Variants in ABCA9 observed in about 807,000 individuals in gnomAD.
ABCA9 encodes ATP binding cassette subfamily A member 9.
Under a neutral mutation model 205.3 loss-of-function variants are expected in ABCA9, and 183 were observed. The observed-to-expected ratio is 0.89, with a 90% CI of 0.79 to 1.01. ABCA9 has a LOEUF of 1.01. Ranked by LOEUF, ABCA9 falls within the 50% of genes least tolerant of loss-of-function variation. The pLI is 0.00. For missense variants in ABCA9, 1,805 were observed against 1,912.4 expected, an observed-to-expected ratio of 0.94 and a Z score of 1.05; for synonymous variants, 651 against 683.3, an observed-to-expected ratio of 0.95 and a Z score of 0.74.
rs1342934421 is a variant in ABCA9, at chr17:69,024,277, T to C, written c.2218A>G (p.Thr740Ala). The change falls in exon 17 of 39, where the codon ACA (threonine) becomes GCA (alanine). Residue 740 changes from threonine to alanine, a missense_variant. By Grantham distance (58) the Thr-to-Ala change is moderately conservative (BLOSUM62 0). Transcript: ENST00000340001. The stretch of plus-strand genomic sequence containing the variant: ...ACAAGTTTTTCTTCACTTTGTGCTG[T>C]CAATTTGGCATCAGAGATGTGCTGC... The part of the protein sequence containing the change: ...VKQHISDAKL[T>A]AQSEEKLVYI... 1.2e-6 allele frequency: 2 copies of C among 1,613,362 alleles called. No homozygotes were observed. Among genetic ancestry groups the C allele is most frequent in the East Asian group, 2.2e-5 (1 of 44,808 alleles).
In ABCA9 at chr17:69,006,913, G is replaced by A. The variant is rs149931023; in HGVS notation, c.3435+846C>T. 3.9e-5 allele frequency among the ~76,000 whole-genome samples: 6 copies of A among 152,258 alleles called. No homozygotes were observed. The East Asian group carries it at 5.8e-4, about 15-fold the overall frequency. ...GAGAGACCAGTTACAGATATGTTGCGCTACTCTAGGTGACAGAGTATGAAA... is the reference window on the plus strand; with the variant it reads ...GAGAGACCAGTTACAGATATGTTGCACTACTCTAGGTGACAGAGTATGAAA... On this transcript the variant is annotated intron_variant, in intron 25 of 38. Coordinates refer to ENST00000340001, the MANE Select transcript of ABCA9 (RefSeq NM_080283.4).
the ABCA9 span, among the ~76,000 whole-genome samples, chr17:69,073,876 G>A: frequency 6.6e-6 from 1 of 151,108 alleles, no homozygotes; most frequent in East Asian, 1.9e-4. Context: ...TTTTTTTTTT[G>A]TAGTTTGTAG....
At position 69,020,675 on chromosome 17, in the gene ABCA9, C is replaced by T. The variant is rs760158738; in HGVS notation, c.2402-89G>A. The stretch of plus-strand genomic sequence containing the variant: ...ATGATAAATTTTCCTACAAAGGTGT[C>T]AAAGTTACCCTCTTGGGCCAAGATA... On this transcript the variant is annotated intron_variant, in intron 18 of 38. Transcript: ENST00000340001. The T allele has an allele frequency of 3.9e-5, 46 of 1,184,794 alleles. No homozygotes were observed. The South Asian group carries it at 5.8e-4, about 15-fold the overall frequency. 73.4% of individuals were successfully genotyped at this position (1,184,794 alleles called of 1,614,324 possible). A position where few individuals can be genotyped will look rare whatever the true frequency, so the allele number is the denominator to read the frequency against.
chr17:69,052,723 G>A (rs894024092), intron 1 of ABCA9, among the ~76,000 whole-genome samples: 2 of 152,118 alleles, frequency 1.3e-5, no homozygotes, highest in Admixed American at 1.3e-4. Flanking sequence ...TGGAGTTACA[G>A]CAGATCCCAC....
Position 69,027,799 on chromosome 17 carries a change from A to G in ABCA9, c.1632T>C (p.Tyr544=). 6.2e-7 allele frequency: 1 copy of G among 1,608,936 alleles called. No homozygotes were observed. The highest frequency in any genetic ancestry group is 1.3e-5 in the African/African-American group (1 of 74,804). Residue 544 remains tyrosine, a synonymous_variant, in exon 13 of 39, where the codon TAT becomes TAC. Transcript: ENST00000340001. The part of the protein sequence containing the change: ...SVPTSGSVTV[Y]NHTLSRMADI... ...CAGCCATTCTTGAAAGTGTGTGATT[A>G]TAGACAGTGACTGAACCTGAAAGCA... is the stretch of plus-strand genomic sequence containing the variant.
At chr17:69,062,956 A>T (rs1233277745), upstream of ABCA9, among the ~76,000 whole-genome samples, 2 of 152,224 alleles carry the variant, frequency 1.3e-5, no homozygotes, top group African/African-American at 4.8e-5. Flanking sequence ...TGTGTCTAAG[A>T]CATACTTAAA....
At chr17:69,038,625 A>G (rs1221220455) in intron 6 of ABCA9, among the ~76,000 whole-genome samples, 8 of 152,222 alleles carry the variant, frequency 5.3e-5, no homozygotes, top group Admixed American at 5.2e-4. Flanking sequence ...TGAATGGGCA[A>G]AAGCAGAAAC....
intron 32 of ABCA9, 110 bp from the exon 33 acceptor site, chr17:68,985,238 G>T: frequency 7.0e-7 from 1 of 1,424,224 alleles, no homozygotes; most frequent in Non-Finnish European, 9.8e-7. Flanking sequence ...TGAGTGGTCA[G>T]AGTGGTCATA....
At chr17:68,981,754 G>A (rs1309421777) in intron 37 of ABCA9, among the ~76,000 whole-genome samples, 1 of 148,878 alleles carries the variant, frequency 6.7e-6, no homozygotes, top group East Asian at 2.0e-4. Context: ...TTGAACCCAG[G>A]AGGCAGAGGT....
chr17:69,067,061 G>A, the ABCA9 span, among the ~76,000 whole-genome samples: 1 of 152,012 alleles, frequency 6.6e-6, no homozygotes, highest in Non-Finnish European at 1.5e-5. Flanking sequence ...ATGTACAAGA[G>A]AAAAGCCGTA....
At chr17:69,029,387 A>G (rs1201529480) in intron 10 of ABCA9, among the ~76,000 whole-genome samples, 160 bp from the exon 11 acceptor site, 1 of 152,160 alleles carries the variant, frequency 6.6e-6, no homozygotes, top group African/African-American at 2.4e-5. Context: ...TCACACAGGC[A>G]CTGGCAGAAG....
At chr17:69,038,258 CAAT>C (rs1851298797) in intron 6 of ABCA9, among the ~76,000 whole-genome samples, 1 of 151,994 alleles carries the variant, frequency 6.6e-6, no homozygotes, top group African/African-American at 2.4e-5. Context: ...GGCAGAGACA[CAAT>C]AAAAAAAGAA....
chr17:69,053,072 T>G (rs2071958625), intron 1 of ABCA9, among the ~76,000 whole-genome samples: 1 of 140,452 alleles, frequency 7.1e-6, no homozygotes, highest in Non-Finnish European at 1.5e-5. Flanking sequence ...CCAAACTCCT[T>G]CAGTTAGGGC....
chr17:69,029,042 A>C lies in ABCA9; in HGVS notation c.1504+127T>G, dbSNP rs183218936. 2,468 of 499,856 alleles carry C rather than the reference A, an allele frequency of 4.9e-3. 14 individuals are homozygous for C. Among genetic ancestry groups the C allele is most frequent in the Middle Eastern group, 0.011 (24 of 2,186 alleles). 31.0% of individuals were successfully genotyped at this position (499,856 alleles called of 1,614,324 possible). A position where few individuals can be genotyped will look rare whatever the true frequency, so the allele number is the denominator to read the frequency against. ...GGGTTTTTTTTTTACATTGAAGGAAACATAATGTGTTCAAATAAAGGAGAG... is the reference window on the plus strand; with the variant it reads ...GGGTTTTTTTTTTACATTGAAGGAACCATAATGTGTTCAAATAAAGGAGAG... On this transcript the variant is annotated intron_variant, in intron 11 of 38. Transcript: ENST00000340001.
In ABCA9 at chr17:68,990,797, G is replaced by GA. The variant is rs200152542; in HGVS notation, c.3837+39dup. 1.3e-3 allele frequency: 2,026 copies of GA among 1,540,078 alleles called. 5 individuals are homozygous for GA. The highest frequency in any genetic ancestry group is 0.012 in the African/African-American group (843 of 71,828). On this transcript the variant is annotated intron_variant, in intron 29 of 38. Transcript: ENST00000340001. ...AGAAAGTTTCTCACTTTATCTGTCAGAAAAAAAAATAGTTGACGAAGAACA... is the reference window on the plus strand; with the variant it reads ...AGAAAGTTTCTCACTTTATCTGTCAGAAAAAAAAAATAGTTGACGAAGAACA...
chr17:68,997,491 C>T (rs1157684486), intron 25 of ABCA9, among the ~76,000 whole-genome samples: 1 of 151,496 alleles, frequency 6.6e-6, no homozygotes, highest in Non-Finnish European at 1.5e-5. Flanking sequence ...AGTGCTTTTG[C>T]AATTTTTCTT....
At chr17:69,011,530 G>A (rs560013764) in intron 23 of ABCA9, among the ~76,000 whole-genome samples, 12 of 152,168 alleles carry the variant, frequency 7.9e-5, no homozygotes, top group East Asian at 1.9e-4. Flanking sequence ...CAGGCTCCTC[G>A]AATTTTATTT....
chr17:69,040,663 T>C (rs1157289595), intron 6 of ABCA9, among the ~76,000 whole-genome samples: 3 of 152,206 alleles, frequency 2.0e-5, no homozygotes, highest in South Asian at 2.1e-4. Flanking sequence ...ATGGCACATG[T>C]ATACCTATGT....
rs1419364647 is a variant in ABCA9 at position 69,035,370 on chromosome 17, A to C, written c.1004T>G (p.Val335Gly). The change falls in exon 8 of 39, where the codon GTG becomes GGG. Residue 335 changes from valine (V) to glycine (G), a missense_variant. Physicochemically the swap from Val to Gly is moderately radical, Grantham distance 109. Coordinates refer to ENST00000340001, the MANE Select transcript of ABCA9 (RefSeq NM_080283.4). ...IKKPFLTGLV[V>G]FLLIVFWGIL... ...CCCCCAAAAGACAATAAGGAGAAAC[A>C]CAACCAAGCCCGTAAGGAAAGGTTT... The C allele has an allele frequency of 3.7e-6, 6 of 1,609,368 alleles. No individual in the cohort carries two copies. Among genetic ancestry groups the C allele is most frequent in the Non-Finnish European group, 5.1e-6 (6 of 1,177,564 alleles).
Sources: gnomAD v4.1 joint callset for allele counts (sites outside exome capture counted in the v4.1 genomes callset) on GRCh38, gnomAD v4.1.1 for gene constraint, MANE v1.5 for transcripts, NCBI Gene and HGNC (gene_info 2026-07-23, HGNC 2026-07-21) for gene names.